TMPO: variants seen among roughly 807,000 people sequenced by gnomAD.
The protein encoded by TMPO is LEM domain containing 4.
Under a neutral mutation model 45.4 loss-of-function variants are expected in TMPO, and 22 were observed. That is an observed-to-expected ratio of 0.48 (90% CI 0.35 to 0.69). TMPO has a LOEUF of 0.69. TMPO is among the 30% of genes least tolerant of loss of function. TMPO has a pLI of 0.01. For synonymous variants in TMPO, 241 were observed against 204.1 expected (o/e 1.18, Z -1.54); for missense variants, 512 against 548.8 (o/e 0.93, Z 0.67).
At position 98,533,588 on chromosome 12, in the gene TMPO, C is replaced by G. The variant is rs142981381; in HGVS notation, c.565+1750C>G. 155 of 1,614,144 alleles carry G rather than the reference C, an allele frequency of 9.6e-5. 1 individual carries two copies. In the African/African-American group the frequency reaches 1.9e-3, roughly 20 times the overall value. On this transcript the variant is annotated intron_variant, in intron 3 of 8. Coordinates refer to ENST00000556029, the MANE Select transcript of TMPO (RefSeq NM_001032283.3). ...TCAGTGGAGGAAAGGGATTCAGGTT[C>G]CTTTGTGGCATTTCAGAACATACCT...
chr12:98,528,274 T>A (rs957920389), intron 2 of TMPO, among the ~76,000 whole-genome samples: 2 of 150,796 alleles, frequency 1.3e-5, no homozygotes, highest in African/African-American at 4.9e-5. Context: ...TTTTTGGTTT[T>A]GTTTTGTTTT....
At position 98,535,132 on chromosome 12, in the gene TMPO, A is replaced by C. The variant is rs984427903; in HGVS notation, c.566-2343A>C. 61 of 985,164 alleles carry C rather than the reference A, an allele frequency of 6.2e-5. No individual in the cohort carries two copies. In the Admixed American group the frequency reaches 3.4e-3, roughly 55 times the overall value. The allele number at this position is 985,164 out of a possible 1,614,324, so 61.0% of individuals were successfully genotyped here. A position where few individuals can be genotyped will look rare whatever the true frequency, so the allele number is the denominator to read the frequency against. Reference sequence around the variant, plus strand: ...CACTTTGAGAAACACTTCTTTGGATAATAATAGATATCCTGGGATAGTGCA... The same window carrying C: ...CACTTTGAGAAACACTTCTTTGGATCATAATAGATATCCTGGGATAGTGCA... On this transcript the variant is annotated intron_variant, in intron 3 of 8. Coordinates refer to ENST00000556029, the MANE Select transcript of TMPO (RefSeq NM_001032283.3).
At chr12:98,540,062 ACT>A (rs1251810024) in intron 4 of TMPO, among the ~76,000 whole-genome samples, 1 of 152,022 alleles carries the variant, frequency 6.6e-6, no homozygotes, top group Admixed American at 6.6e-5. Context: ...TGGTTGTTTT[ACT>A]CTCTCAAGTC....
intron 1 of TMPO, among the ~76,000 whole-genome samples, chr12:98,518,030 C>G (rs1876013026): frequency 6.6e-6 from 1 of 151,920 alleles, no homozygotes; most frequent in South Asian, 2.1e-4. Context: ...ATTAGCCGTG[C>G]CTGGTGGCGG....
At chr12:98,542,232 A>G (rs1877957266) in intron 4 of TMPO, among the ~76,000 whole-genome samples, 1 of 152,204 alleles carries the variant, frequency 6.6e-6, no homozygotes, top group Admixed American at 6.5e-5. Context: ...TCCCACCAGC[A>G]GTGTTTGAAA....
chr12:98,520,386 T>C (rs1181992558), intron 1 of TMPO, among the ~76,000 whole-genome samples: 1 of 151,780 alleles, frequency 6.6e-6, no homozygotes, highest in East Asian at 1.9e-4. Flanking sequence ...CACTGCAACC[T>C]CTGCCTCCCA....
intron 1 of TMPO, among the ~76,000 whole-genome samples, chr12:98,523,739 A>G (rs550594400): frequency 1.2e-4 from 18 of 152,014 alleles, no homozygotes; most frequent in Non-Finnish European, 2.5e-4. Context: ...GCAGTGGCGC[A>G]ATCTTGGCTC....
At position 98,533,817 on chromosome 12, in the gene TMPO, T is replaced by C. The variant is rs777452560; in HGVS notation, c.565+1979T>C. The C allele has an allele frequency of 6.8e-6, 11 of 1,614,076 alleles. No individual in the cohort carries two copies. Among genetic ancestry groups the C allele is most frequent in the Admixed American group, 1.7e-5 (1 of 60,000 alleles). ...AGCTGCCTTCACTGGCATGCAAATA[T>C]CCAGTTTCTTCCAGGGAGGCAACAC... is the stretch of plus-strand genomic sequence containing the variant. On this transcript the variant is annotated intron_variant, in intron 3 of 8. Coordinates refer to ENST00000556029, the MANE Select transcript of TMPO (RefSeq NM_001032283.3).
At chr12:98,530,588 T>C (rs1877123590) in intron 2 of TMPO, among the ~76,000 whole-genome samples, 1 of 152,230 alleles carries the variant, frequency 6.6e-6, no homozygotes, top group Non-Finnish European at 1.5e-5. Flanking sequence ...TGTTCAAATG[T>C]ATTAAGAATT....
chr12:98,546,179 A>G (rs575984130), intron 7 of TMPO, among the ~76,000 whole-genome samples, 180 bp from the exon 8 acceptor site: 10 of 152,336 alleles, frequency 6.6e-5, no homozygotes, highest in Non-Finnish European at 1.2e-4. Context: ...TCTTCAAGAA[A>G]TTTGAAGAGA....
rs956460371 is a variant in TMPO, at chr12:98,549,716, C to T, written c.*1858C>T. 7.1e-6 allele frequency: 1 copy of T among 140,286 alleles called. No homozygotes were observed. Among genetic ancestry groups the T allele is most frequent in the East Asian group, 2.1e-4 (1 of 4,716 alleles). The allele number at this position is 140,286 out of a possible 1,614,324, so 8.7% of individuals were successfully genotyped here. On this transcript the variant is annotated 3_prime_UTR_variant, in exon 9 of 9. Coordinates refer to ENST00000556029, the MANE Select transcript of TMPO (RefSeq NM_001032283.3). ...AAATACTTACTAAAAAGGAAGAAGC[C>T]GAAGATGTATATTTAGACCAGCACA...
intron 4 of TMPO, among the ~76,000 whole-genome samples, chr12:98,543,085 G>A (rs1878020193): frequency 6.6e-6 from 1 of 152,026 alleles, no homozygotes; most frequent in African/African-American, 2.4e-5. Flanking sequence ...AACTTGTGGG[G>A]TTTTGGTAGT....
intron 1 of TMPO, chr12:98,516,533 T>A: frequency 1.9e-6 from 2 of 1,036,544 alleles, no homozygotes; most frequent in Non-Finnish European, 2.3e-6. Context: ...GTTCGAGCGT[T>A]TTCCCGCTTT....
At chr12:98,536,585 A>G (rs1480773435) in intron 3 of TMPO, among the ~76,000 whole-genome samples, 1 of 152,146 alleles carries the variant, frequency 6.6e-6, no homozygotes, top group Non-Finnish European at 1.5e-5. Flanking sequence ...AGCTGACCTC[A>G]GGTGATCCGC....
chr12:98,546,481 T>C (rs1325682311), intron 8 of TMPO, 34 bp downstream of exon 8: 45 of 1,299,102 alleles, frequency 3.5e-5, no homozygotes, highest in African/African-American at 8.7e-5. Flanking sequence ...TACTAGTGTA[T>C]TCTAGTAGGG....
chr12:98,528,781 A>G (rs1876972249), intron 2 of TMPO, among the ~76,000 whole-genome samples: 1 of 152,082 alleles, frequency 6.6e-6, no homozygotes, highest in African/African-American at 2.4e-5. Flanking sequence ...CAACATAGGG[A>G]GATCCCATCT....
intron 8 of TMPO, among the ~76,000 whole-genome samples, chr12:98,547,020 GTTTAGTGACTATT>G (rs1294765144): frequency 1.4e-5 from 2 of 147,280 alleles, no homozygotes; most frequent in Non-Finnish European, 3.0e-5. Flanking sequence ...AAGAAGGCAG[GTTTAGTGACTATT>G]TATCAGTGTT....
intron 4 of TMPO, 153 bp downstream of exon 4, chr12:98,537,725 T>C: frequency 1.3e-6 from 1 of 757,480 alleles, no homozygotes; most frequent in East Asian, 2.7e-5. Flanking sequence ...CTAAACTTTG[T>C]GGGTTTTGTC....
Position 98,547,578 on chromosome 12 carries a change from G to T in TMPO, c.1085G>T (p.Ser362Ile). ...EASTPTGISA[S>I]CRRPIKGAAG... ...CCTCCTTTCACTCCCAACAGTGCTA[G>T]TTGCCGCAGACCAATCAAAGGGGCT... is the stretch of plus-strand genomic sequence containing the variant. Residue 362 changes from serine to isoleucine, a missense_variant, in exon 9 of 9, where the codon AGT becomes ATT. Around this residue, in one of 3 missense-constraint regions of TMPO, gnomAD observed 209 missense variants for 235.1 expected, o/e 0.89. Coordinates refer to ENST00000556029, the MANE Select transcript of TMPO (RefSeq NM_001032283.3). 6.2e-7 allele frequency: 1 copy of T among 1,614,064 alleles called. No homozygotes were observed. Among genetic ancestry groups the T allele is most frequent in the Non-Finnish European group, 8.5e-7 (1 of 1,180,000 alleles).
Sources: gnomAD v4.1 joint callset for allele counts (sites outside exome capture counted in the v4.1 genomes callset) on GRCh38, gnomAD v4.1.1 for gene constraint, gnomAD v4.1.1 regional missense constraint, MANE v1.5 for transcripts, NCBI Gene and HGNC (gene_info 2026-07-23, HGNC 2026-07-21) for gene names.